Variants in KCNK9 observed in about 807,000 individuals in gnomAD.
The protein encoded by KCNK9 is potassium channel subfamily K member 9.
Under a neutral mutation model 10.8 loss-of-function variants are expected in KCNK9, and 1 was observed. That is an observed-to-expected ratio of 0.09 (90% CI 0.03 to 0.44). KCNK9 has a LOEUF of 0.44. KCNK9 is among the 20% of genes least tolerant of loss of function. The pLI is 0.97. For missense variants in KCNK9, 303 were observed against 515.0 expected, an observed-to-expected ratio of 0.59 and a Z score of 3.98; for synonymous variants, 231 against 222.7, an observed-to-expected ratio of 1.04 and a Z score of -0.33.
At chr8:139,677,906 G>T (rs1816597867) in intron 1 of KCNK9, among the ~76,000 whole-genome samples, 1 of 142,864 alleles carries the variant, frequency 7.0e-6, no homozygotes, top group Non-Finnish European at 1.5e-5. Context: ...TGAGCCCAAT[G>T]TGTCCCCACA....
intron 1 of KCNK9, among the ~76,000 whole-genome samples, chr8:139,682,834 C>G (rs377317621): frequency 6.6e-6 from 1 of 152,156 alleles, no homozygotes; most frequent in Non-Finnish European, 1.5e-5. Context: ...GTGACCCCCC[C>G]ACACCCGCCC....
intron 1 of KCNK9, among the ~76,000 whole-genome samples, chr8:139,671,430 G>A (rs529211328): frequency 2.6e-5 from 4 of 152,310 alleles, no homozygotes; most frequent in Non-Finnish European, 4.4e-5. Flanking sequence ...AGCAAGAGGC[G>A]GGAGGATGAG....
chr8:139,699,324 C>A (rs922498498), intron 1 of KCNK9, among the ~76,000 whole-genome samples: 3 of 152,122 alleles, frequency 2.0e-5, no homozygotes, highest in Non-Finnish European at 4.4e-5. Context: ...CCATTTGGCC[C>A]CAAGCAGGCC....
intron 1 of KCNK9, among the ~76,000 whole-genome samples, chr8:139,700,077 A>T (rs961996195): frequency 1.3e-5 from 2 of 152,110 alleles, no homozygotes; most frequent in African/African-American, 2.4e-5. Context: ...CATTTATATT[A>T]AAAAAAGAAA....
At chr8:139,624,769 C>T (rs567967289) in intron 1 of KCNK9, among the ~76,000 whole-genome samples, 44 of 152,328 alleles carry the variant, frequency 2.9e-4, no homozygotes, top group African/African-American at 1.0e-3. Context: ...CCCACCTCCA[C>T]AGTCAGAGGC....
rs553341215 is a variant in KCNK9 at position 139,639,916 on chromosome 8, A to C, written c.284-20817T>G. ...CTCTGCAAGATGCGCTAAGGACCCT[A>C]GCTCTGCCCCATCATGGAGATGTCA... On this transcript the variant is annotated intron_variant, in intron 1 of 1. Transcript: ENST00000520439. 5.9e-5 allele frequency among the ~76,000 whole-genome samples: 9 copies of C among 151,802 alleles called. No homozygotes were observed. The South Asian group carries it at 8.3e-4, about 14-fold the overall frequency.
At chr8:139,628,177 G>C (rs911898912) in intron 1 of KCNK9, among the ~76,000 whole-genome samples, 11 of 152,218 alleles carry the variant, frequency 7.2e-5, no homozygotes, top group Admixed American at 6.5e-4. Flanking sequence ...AGAGTGAGGC[G>C]AGTGGGGGTC....
chr8:139,667,230 G>A (rs1012530319), intron 1 of KCNK9, among the ~76,000 whole-genome samples: 4 of 152,330 alleles, frequency 2.6e-5, no homozygotes, highest in African/African-American at 7.2e-5. Context: ...ACTCCAGGTC[G>A]CCTGCTGGCC....
intron 1 of KCNK9, among the ~76,000 whole-genome samples, chr8:139,664,042 C>T (rs1477346243): frequency 1.3e-5 from 2 of 152,126 alleles, no homozygotes; most frequent in African/African-American, 2.4e-5. Flanking sequence ...GAGGAGGAAA[C>T]GGGAGCAGGG....
At chr8:139,620,424 T>G (rs1297777960) in intron 1 of KCNK9, among the ~76,000 whole-genome samples, 11 of 152,202 alleles carry the variant, frequency 7.2e-5, no homozygotes, top group African/African-American at 2.4e-4. Flanking sequence ...TGTTCTTAGG[T>G]GGCGTTGTAT....
chr8:139,681,155 T>C (rs1046795579), intron 1 of KCNK9, among the ~76,000 whole-genome samples: 3 of 152,174 alleles, frequency 2.0e-5, no homozygotes, highest in Non-Finnish European at 4.4e-5. Context: ...TGTGATCCCA[T>C]GTAAGCCTCA....
intron 1 of KCNK9, among the ~76,000 whole-genome samples, chr8:139,699,209 G>A (rs1189617051): frequency 6.6e-6 from 1 of 152,166 alleles, no homozygotes; most frequent in African/African-American, 2.4e-5. Flanking sequence ...ATGTTAGATT[G>A]GAGAAAGAAG....
At chr8:139,625,067 C>T (rs1814924972) in intron 1 of KCNK9, among the ~76,000 whole-genome samples, 2 of 152,182 alleles carry the variant, frequency 1.3e-5, no homozygotes, top group African/African-American at 2.4e-5. Flanking sequence ...CCTCCCAGAA[C>T]TGGCCAAATT....
intron 1 of KCNK9, among the ~76,000 whole-genome samples, chr8:139,633,175 A>C (rs1314208342): frequency 6.6e-6 from 1 of 152,122 alleles, no homozygotes; most frequent in African/African-American, 2.4e-5. Flanking sequence ...ACACGCTCAC[A>C]TACACGAATA....
chr8:139,675,460 C>T (rs1447081292), intron 1 of KCNK9, among the ~76,000 whole-genome samples: 4 of 152,166 alleles, frequency 2.6e-5, no homozygotes, highest in African/African-American at 9.7e-5. Flanking sequence ...GGGATTAGTG[C>T]CCTTATAAGG....
Position 139,702,258 on chromosome 8 carries a change from C to T in KCNK9, c.283+452G>A, listed in dbSNP as rs973884891. On this transcript the variant is annotated intron_variant, in intron 1 of 1. Coordinates refer to ENST00000520439, the MANE Select transcript of KCNK9 (RefSeq NM_001282534.2). The surrounding 1 kb of genome is among the most constrained non-coding windows in gnomAD (Gnocchi z 7.5). ...CTCACGCCCCAGGCGCACTCCCCTG[C>T]CACCTGAGTCCCTCTAGGAGCCATG... 6.6e-6 allele frequency among the ~76,000 whole-genome samples: 1 copy of T among 152,208 alleles called. No homozygotes were observed. The highest frequency in any genetic ancestry group is 1.5e-5 in the Non-Finnish European group (1 of 68,034).
At position 139,617,965 on chromosome 8, in the gene KCNK9, T is replaced by G. The variant is rs907854510; in HGVS notation, c.*293A>C. On this transcript the variant is annotated 3_prime_UTR_variant, in exon 2 of 2. Transcript: ENST00000520439. ...GAAAACCACTGCAGAGATGATGGGG[T>G]GGGTGGGGTGAGAAATGTAAGGCAT... 6 of 415,288 alleles carry G rather than the reference T, an allele frequency of 1.4e-5. No individual in the cohort carries two copies. Among genetic ancestry groups the G allele is most frequent in the African/African-American group, 1.2e-4 (6 of 48,842 alleles). 25.7% of individuals were successfully genotyped at this position (415,288 alleles called of 1,614,324 possible).
chr8:139,630,973 G>A (rs937747754), intron 1 of KCNK9, among the ~76,000 whole-genome samples: 2 of 152,232 alleles, frequency 1.3e-5, no homozygotes, highest in Non-Finnish European at 2.9e-5. Flanking sequence ...AGGACGGAGA[G>A]CCTGTGCCTC....
intron 1 of KCNK9, among the ~76,000 whole-genome samples, chr8:139,621,115 TCTA>T (rs918731274): frequency 2.6e-5 from 4 of 152,058 alleles, no homozygotes; most frequent in Non-Finnish European, 5.9e-5. Context: ...AAACCCCATC[TCTA>T]CTAATTTTGT....
Sources: allele counts gnomAD v4.1 joint callset (sites outside exome capture counted in the v4.1 genomes callset), GRCh38; gene constraint gnomAD v4.1.1; non-coding constraint Gnocchi (gnomAD v3.1); transcripts MANE v1.5; gene names NCBI Gene and HGNC (gene_info 2026-07-23, HGNC 2026-07-21).